Variants in CNTN1 observed in about 807,000 individuals in gnomAD.
CNTN1 encodes the protein contactin-1.
A neutral mutation model predicts 126.4 loss-of-function variants in CNTN1; 38 were observed. That is an observed-to-expected ratio of 0.30 (90% CI 0.23 to 0.39). CNTN1 has a LOEUF of 0.39. Ranked by LOEUF, CNTN1 falls within the 10% of genes least tolerant of loss-of-function variation. CNTN1 has a pLI of 1.00. For synonymous variants in CNTN1, 413 were observed against 422.6 expected (o/e 0.98, Z 0.28); for missense variants, 1,009 against 1,248.4 (o/e 0.81, Z 2.89).
chr12:40,800,013 C>T (rs1023383000), intron 1 of CNTN1, among the ~76,000 whole-genome samples: 1 of 151,914 alleles, frequency 6.6e-6, no homozygotes, highest in African/African-American at 2.4e-5. Context: ...ACTCTCTCTC[C>T]CACTTTACAA....
At chr12:40,842,396 T>C (rs1169717701) in intron 1 of CNTN1, among the ~76,000 whole-genome samples, 3 of 151,952 alleles carry the variant, frequency 2.0e-5, no homozygotes, top group Non-Finnish European at 2.9e-5. Flanking sequence ...AAGAGAAGAA[T>C]TGCTATGTTC....
chr12:41,070,005 C>T lies in CNTN1; in HGVS notation c.3027C>T (p.Ala1009=). ...GTCTTCTCGGCTTACTGCTGCCTGC[C>T]TTTGGCATCCTTGTCTACTTGGAAT... The part of the protein sequence containing the change: ...SPSLLGLLLP[A]FGILVYLEF The change falls in exon 24 of 24, where the codon GCC becomes GCT. Residue 1009 remains alanine (A), a synonymous_variant. Transcript: ENST00000551295. 1 of 1,614,042 alleles carries T rather than the reference C, an allele frequency of 6.2e-7. No individual in the cohort carries two copies. The highest frequency in any genetic ancestry group is 8.5e-7 in the Non-Finnish European group (1 of 1,179,972).
intron 1 of CNTN1, among the ~76,000 whole-genome samples, chr12:40,828,596 G>C (rs1340090827): frequency 6.6e-6 from 1 of 152,166 alleles, no homozygotes; most frequent in Non-Finnish European, 1.5e-5. Context: ...TCAATAAGTG[G>C]AAATTACCTC....
Position 40,773,785 on chromosome 12 carries a change from A to G in CNTN1, c.-77+81193A>G, listed in dbSNP as rs183430244. Among the ~76,000 whole-genome samples, 14 of 150,178 alleles carry G rather than the reference A, an allele frequency of 9.3e-5. No individual in the cohort carries two copies. In the Admixed American group the frequency reaches 9.4e-4, roughly 10 times the overall value. On this transcript the variant is annotated intron_variant, in intron 1 of 23. Transcript: ENST00000551295. ...GTGTGAGCTGTTATCCCTGTTCTTAACAAGCAAATTTTGCACAAAAATTAG... is the reference window on the plus strand; with the variant it reads ...GTGTGAGCTGTTATCCCTGTTCTTAGCAAGCAAATTTTGCACAAAAATTAG...
At chr12:40,833,378 G>A (rs1016203619) in intron 1 of CNTN1, among the ~76,000 whole-genome samples, 2 of 152,122 alleles carry the variant, frequency 1.3e-5, no homozygotes, top group African/African-American at 2.4e-5. Context: ...TTACAGGCGT[G>A]AGGCACTGCA....
intron 1 of CNTN1, among the ~76,000 whole-genome samples, chr12:40,720,128 GGC>G (rs1565643818): frequency 1.3e-5 from 2 of 149,404 alleles, no homozygotes; most frequent in Admixed American, 6.7e-5. Flanking sequence ...TGGGATTACA[GGC>G]ATGAGCCACC....
At chr12:40,693,195 AC>A (rs1380679625) in intron 1 of CNTN1, among the ~76,000 whole-genome samples, 1 of 152,196 alleles carries the variant, frequency 6.6e-6, no homozygotes, top group Non-Finnish European at 1.5e-5. Flanking sequence ...CCGATTAATT[AC>A]GTCTCCGTTG....
intron 17 of CNTN1, among the ~76,000 whole-genome samples, chr12:41,003,687 A>G (rs1056354103): frequency 1.3e-5 from 2 of 151,718 alleles, no homozygotes; most frequent in African/African-American, 2.4e-5. Flanking sequence ...GGGAGAGGGT[A>G]TGTATCCAGG....
intron 23 of CNTN1, among the ~76,000 whole-genome samples, chr12:41,047,552 C>G (rs1949571827): frequency 6.6e-6 from 1 of 151,912 alleles, no homozygotes; most frequent in South Asian, 2.1e-4. Context: ...AAAAGCTCTG[C>G]TTGGAATCAT....
chr12:40,713,925 T>C (rs549323893), intron 1 of CNTN1, among the ~76,000 whole-genome samples: 232 of 152,182 alleles, frequency 1.5e-3, no homozygotes, highest in Non-Finnish European at 1.9e-3. Context: ...ATTACGCTCT[T>C]CTCTATTTCT....
intron 7 of CNTN1, among the ~76,000 whole-genome samples, chr12:40,931,922 A>G (rs1425478370): frequency 6.6e-6 from 1 of 151,930 alleles, no homozygotes. Context: ...AATACAATTT[A>G]TATTTACTGT....
intron 20 of CNTN1, 88 bp from the exon 21 acceptor site, chr12:41,025,062 C>G: frequency 8.1e-7 from 1 of 1,241,600 alleles, no homozygotes; most frequent in Non-Finnish European, 1.2e-6. Context: ...CAGCCAACAC[C>G]AATGGTAATA....
At chr12:40,807,551 A>G (rs1004326395) in intron 1 of CNTN1, among the ~76,000 whole-genome samples, 2 of 152,152 alleles carry the variant, frequency 1.3e-5, no homozygotes, top group Admixed American at 1.3e-4. Context: ...AGGACTCTGG[A>G]ATAGTACTGC....
intron 14 of CNTN1, among the ~76,000 whole-genome samples, chr12:40,950,656 T>C (rs901896379): frequency 1.3e-5 from 2 of 152,202 alleles, no homozygotes; most frequent in Admixed American, 1.3e-4. Flanking sequence ...TCTGTATGAA[T>C]ATATAACTTT....
intron 1 of CNTN1, among the ~76,000 whole-genome samples, chr12:40,898,605 T>G (rs1944496201): frequency 6.6e-6 from 1 of 152,166 alleles, no homozygotes; most frequent in East Asian, 1.9e-4. Flanking sequence ...ATGAATCACT[T>G]ATCAGTTTAA....
chr12:40,710,231 T>C (rs1941878532), intron 1 of CNTN1, among the ~76,000 whole-genome samples: 1 of 152,052 alleles, frequency 6.6e-6, no homozygotes, highest in African/African-American at 2.4e-5. Context: ...CTAATTTCAA[T>C]ATTGTTGTCT....
rs151236112 is a variant in CNTN1 at position 40,761,133 on chromosome 12, A to G, written c.-77+68541A>G. Among the ~76,000 whole-genome samples, 674 of 152,264 alleles carry G rather than the reference A, an allele frequency of 4.4e-3. 2 individuals carry two copies. Among genetic ancestry groups the G allele is most frequent in the African/African-American group, 0.016 (646 of 41,562 alleles). ...GTAAATCAACATGATAAAATCTCTAAGTGAAATACAGTTTGGAAAATACTG... is the reference window on the plus strand; with the variant it reads ...GTAAATCAACATGATAAAATCTCTAGGTGAAATACAGTTTGGAAAATACTG... On this transcript the variant is annotated intron_variant, in intron 1 of 23. Transcript: ENST00000551295.
chr12:40,834,211 A>G (rs1941960713), intron 1 of CNTN1, among the ~76,000 whole-genome samples: 1 of 152,222 alleles, frequency 6.6e-6, no homozygotes, highest in Non-Finnish European at 1.5e-5. Flanking sequence ...TTATTTTAAA[A>G]CACCATCACT....
intron 1 of CNTN1, among the ~76,000 whole-genome samples, chr12:40,697,387 C>A (rs1941477268): frequency 6.6e-6 from 1 of 152,026 alleles, no homozygotes; most frequent in Non-Finnish European, 1.5e-5. Context: ...TTTATAGGTT[C>A]TTTGTATTTT....
Sources: allele counts gnomAD v4.1 joint callset (sites outside exome capture counted in the v4.1 genomes callset), GRCh38; gene constraint gnomAD v4.1.1; transcripts MANE v1.5; gene names NCBI Gene and HGNC (gene_info 2026-07-23, HGNC 2026-07-21).